The following GADL1 variants were observed in gnomAD, a reference collection of about 807,000 sequenced individuals.
GADL1 encodes acidic amino acid decarboxylase GADL1.
GADL1 carries 71 observed loss-of-function variants against 69.5 expected under a neutral mutation model. The observed-to-expected ratio is 1.02, with a 90% CI of 0.84 to 1.25. The LOEUF (loss-of-function observed/expected upper bound fraction) is 1.25. Among genes scored for constraint, GADL1 ranks in the 50% most tolerant of loss-of-function variants. The pLI is 0.00. For missense variants in GADL1, 737 were observed against 631.8 expected (o/e 1.17, Z -1.79); for synonymous variants, 254 against 214.4 (o/e 1.18, Z -1.62).
intron 14 of GADL1, among the ~76,000 whole-genome samples, chr3:30,757,723 A>AT (rs1211927543): frequency 2.0e-5 from 3 of 152,194 alleles, no homozygotes; most frequent in Non-Finnish European, 4.4e-5. Flanking sequence ...AATCACAAGA[A>AT]TTTGAAGGAG....
At chr3:30,849,466 C>A (rs375763045) in intron 6 of GADL1, among the ~76,000 whole-genome samples, 1 of 152,046 alleles carries the variant, frequency 6.6e-6, no homozygotes, top group Non-Finnish European at 1.5e-5. Context: ...AAAGCCTATG[C>A]GCTTATCTAC....
At chr3:30,756,385 A>G (rs1204137642) in intron 14 of GADL1, among the ~76,000 whole-genome samples, 1 of 151,924 alleles carries the variant, frequency 6.6e-6, no homozygotes, top group East Asian at 1.9e-4. Context: ...GCCATAAAAC[A>G]CTCTATAATG....
chr3:30,861,261 C>T (rs748524752), intron 2 of GADL1, among the ~76,000 whole-genome samples: 10 of 151,154 alleles, frequency 6.6e-5, no homozygotes, highest in Admixed American at 2.0e-4. Context: ...TAGAGAGTTG[C>T]GTAAGTGAGA....
chr3:30,875,791 G>A (rs771389681), intron 1 of GADL1, among the ~76,000 whole-genome samples: 1 of 151,816 alleles, frequency 6.6e-6, no homozygotes, highest in Non-Finnish European at 1.5e-5. Flanking sequence ...TGCCGTGATG[G>A]GTAGATACAG....
intron 12 of GADL1, among the ~76,000 whole-genome samples, chr3:30,792,415 A>T (rs1575207576): frequency 6.6e-6 from 1 of 152,232 alleles, no homozygotes; most frequent in Middle Eastern, 3.4e-3. Context: ...TCTACAAAGA[A>T]TACAAAAATT....
intron 1 of GADL1, among the ~76,000 whole-genome samples, chr3:30,864,666 A>T (rs1698370559): frequency 6.6e-6 from 1 of 151,946 alleles, no homozygotes; most frequent in African/African-American, 2.4e-5. Flanking sequence ...GAGACTCTAG[A>T]ATAGGTCAAG....
chr3:30,770,274 C>CT (rs1440233028), intron 14 of GADL1, among the ~76,000 whole-genome samples: 6 of 152,192 alleles, frequency 3.9e-5, no homozygotes, highest in Admixed American at 1.3e-4. Flanking sequence ...GGTAAGTGGC[C>CT]TATAAGCATT....
At chr3:30,786,567 C>T (rs1247284398) in intron 12 of GADL1, among the ~76,000 whole-genome samples, 161 bp from the exon 13 acceptor site, 3 of 152,146 alleles carry the variant, frequency 2.0e-5, no homozygotes, top group Non-Finnish European at 4.4e-5. Flanking sequence ...TACTCCAGAC[C>T]TACTGTAATT....
At chr3:30,780,495 C>T (rs761965230) in intron 13 of GADL1, among the ~76,000 whole-genome samples, 4 of 152,118 alleles carry the variant, frequency 2.6e-5, no homozygotes, top group Admixed American at 1.3e-4. Context: ...CTCCATTACT[C>T]CAATCCCTTG....
At chr3:30,753,080 C>T (rs1205637458) in intron 14 of GADL1, among the ~76,000 whole-genome samples, 1 of 152,168 alleles carries the variant, frequency 6.6e-6, no homozygotes, top group South Asian at 2.1e-4. Context: ...AATGCTGTCA[C>T]TGCCAATAAA....
At chr3:30,854,360 A>T (rs567531325) in intron 4 of GADL1, among the ~76,000 whole-genome samples, 6 of 152,264 alleles carry the variant, frequency 3.9e-5, no homozygotes, top group Admixed American at 2.0e-4. Flanking sequence ...ATGCTCCATG[A>T]GGGCAGAGTC....
chr3:30,801,257 C>T (rs1185800284), intron 11 of GADL1, among the ~76,000 whole-genome samples, 169 bp from the exon 12 acceptor site: 1 of 152,166 alleles, frequency 6.6e-6, no homozygotes, highest in Non-Finnish European at 1.5e-5. Context: ...TTCAGATACA[C>T]ATTACCCATG....
At chr3:30,857,174 C>G in intron 2 of GADL1, 33 bp from the exon 3 acceptor site, 1 of 1,543,902 alleles carries the variant, frequency 6.5e-7, no homozygotes. Context: ...AATTGAGTAT[C>G]CACCATAGCC....
chr3:30,843,779 G>T (rs956093092), intron 8 of GADL1, among the ~76,000 whole-genome samples: 10 of 152,126 alleles, frequency 6.6e-5, no homozygotes, highest in African/African-American at 2.4e-4. Flanking sequence ...GAATAGGTTG[G>T]TCAAGAAATC....
At chr3:30,894,322 A>T (rs1698824353) in intron 1 of GADL1, among the ~76,000 whole-genome samples, 1 of 152,190 alleles carries the variant, frequency 6.6e-6, no homozygotes, top group Admixed American at 6.5e-5. Flanking sequence ...CTCAATACGC[A>T]TTTATTTAAC....
intron 1 of GADL1, among the ~76,000 whole-genome samples, chr3:30,880,316 G>C (rs1475504492): frequency 6.6e-6 from 1 of 151,830 alleles, no homozygotes; most frequent in African/African-American, 2.4e-5. Context: ...TGGTTTGGCT[G>C]TGTCCCCACC....
intron 14 of GADL1, among the ~76,000 whole-genome samples, chr3:30,746,014 A>C (rs1575181804): frequency 2.6e-5 from 3 of 116,620 alleles, no homozygotes; most frequent in African/African-American, 3.5e-5. Flanking sequence ...CTTTTATTGC[A>C]CTCCAGCTCT....
At position 30,889,169 on chromosome 3, in the gene GADL1, C is replaced by T. The variant is rs113312582; in HGVS notation, c.37+5409G>A. On this transcript the variant is annotated intron_variant, in intron 1 of 14. Transcript: ENST00000282538. ...GGCTGGGGAAGCCTTACAATCATGG[C>T]GGGAGGCAAAGGAAGACCAAAGGCA... is the stretch of plus-strand genomic sequence containing the variant. Among the ~76,000 whole-genome samples, 2,049 of 137,346 alleles carry T rather than the reference C, an allele frequency of 0.015. 97 individuals carry two copies. In the East Asian group the frequency reaches 0.18, roughly 12 times the overall value. 90.1% of individuals were successfully genotyped at this position (137,346 alleles called of 152,430 possible).
intron 1 of GADL1, among the ~76,000 whole-genome samples, chr3:30,863,027 T>TCACACA (rs397875196): frequency 0.04 from 4,434 of 110,168 alleles, 191 homozygotes; most frequent in African/African-American, 0.11. Context: ...CATGTCTGTT[T>TCACACA]CACACACACA....
Sources: gnomAD v4.1 joint callset for allele counts (sites outside exome capture counted in the v4.1 genomes callset) on GRCh38, gnomAD v4.1.1 for gene constraint, MANE v1.5 for transcripts, NCBI Gene and HGNC (gene_info 2026-07-23, HGNC 2026-07-21) for gene names.